GLRB: variants seen among roughly 807,000 people sequenced by gnomAD.
GLRB encodes the protein glycine receptor beta, also known as glycine receptor subunit beta.
GLRB carries 33 observed loss-of-function variants against 54.2 expected under a neutral mutation model. The ratio of observed to expected loss-of-function variants is 0.61; its 90% CI spans 0.46 to 0.81. GLRB has a LOEUF of 0.81. GLRB is among the 40% of genes least tolerant of loss of function. The pLI, the probability that GLRB is intolerant of heterozygous loss-of-function variation, is 0.00. For missense variants in GLRB, 572 were observed against 584.6 expected (o/e 0.98, Z 0.22); for synonymous variants, 209 against 208.2 (o/e 1.00, Z -0.03).
chr4:157,130,123 G>T (rs1736159509), intron 4 of GLRB, among the ~76,000 whole-genome samples: 1 of 151,598 alleles, frequency 6.6e-6, no homozygotes, highest in East Asian at 1.9e-4. Flanking sequence ...TGTTGTGAGT[G>T]TATGATTATT....
chr4:157,159,951 T>C (rs1443393782), intron 9 of GLRB, among the ~76,000 whole-genome samples: 1 of 152,186 alleles, frequency 6.6e-6, no homozygotes, highest in East Asian at 1.9e-4. Flanking sequence ...TGGCTGTGAA[T>C]CCATCTGGTC....
rs567259223 is a variant in GLRB at position 157,166,550 on chromosome 4, C to T, written c.1198-3882C>T. On this transcript the variant is annotated intron_variant, in intron 9 of 9. Transcript: ENST00000264428. Reference sequence around the variant, plus strand: ...TATTTAAGAAGCCCTGAGTACTTCTCATTAGGGAAACTAATCTTATTCTTT... The same window carrying T: ...TATTTAAGAAGCCCTGAGTACTTCTTATTAGGGAAACTAATCTTATTCTTT... 1.2e-4 allele frequency among the ~76,000 whole-genome samples: 19 copies of T among 152,128 alleles called. No homozygotes were observed. In the East Asian group the frequency reaches 3.7e-3, roughly 29 times the overall value.
At chr4:157,163,003 C>T (rs1737569121) in intron 9 of GLRB, among the ~76,000 whole-genome samples, 4 of 152,294 alleles carry the variant, frequency 2.6e-5, no homozygotes, top group Admixed American at 2.0e-4. Flanking sequence ...GCTTCTCAGC[C>T]ACTTTGTTTA....
At chr4:157,136,381 C>G (rs1174507881) in intron 4 of GLRB, 88 bp from the exon 5 acceptor site, 7 of 761,094 alleles carry the variant, frequency 9.2e-6, no homozygotes, top group Non-Finnish European at 1.6e-5. Context: ...TGCCACTAAT[C>G]ATTGTAACCC....
In GLRB at chr4:157,143,675, C is replaced by CT. The variant is rs965337199; in HGVS notation, c.752-124dup. On this transcript the variant is annotated intron_variant, in intron 7 of 9. Coordinates refer to ENST00000264428, the MANE Select transcript of GLRB (RefSeq NM_000824.5). ...TAAATTATATATCTGCAAAGAAAAA[C>CT]TTTTTTTTGAGGCATTTCCTCTGTG... The CT allele has an allele frequency of 9.2e-5, 81 of 884,636 alleles. 2 individuals are homozygous for CT. Among genetic ancestry groups the CT allele is most frequent in the East Asian group, 4.3e-4 (16 of 37,570 alleles). The allele number at this position is 884,636 out of a possible 1,614,324, so 54.8% of individuals were successfully genotyped here.
intron 9 of GLRB, among the ~76,000 whole-genome samples, chr4:157,156,708 A>G (rs1385993309): frequency 6.6e-6 from 1 of 152,036 alleles, no homozygotes; most frequent in Non-Finnish European, 1.5e-5. Context: ...TCATGTTCAT[A>G]ATTGGTCACT....
intron 9 of GLRB, among the ~76,000 whole-genome samples, chr4:157,159,420 G>A (rs538032238): frequency 6.6e-6 from 1 of 152,204 alleles, no homozygotes; most frequent in South Asian, 2.1e-4. Context: ...AGTTTTCAAA[G>A]GGAATGCTTC....
At chr4:157,139,306 T>A (rs1213055627) in intron 7 of GLRB, among the ~76,000 whole-genome samples, 4 of 152,126 alleles carry the variant, frequency 2.6e-5, no homozygotes, top group Admixed American at 6.6e-5. Context: ...ATAAACAATA[T>A]AATCCATATA....
chr4:157,166,052 G>A (rs1737696280), intron 9 of GLRB, among the ~76,000 whole-genome samples: 1 of 151,954 alleles, frequency 6.6e-6, no homozygotes, highest in Non-Finnish European at 1.5e-5. Flanking sequence ...TTTTAAATTT[G>A]TGTGGAATGA....
Position 157,143,972 on chromosome 4 carries a change from A to C in GLRB, c.904+13A>C, listed in dbSNP as rs752476441. On this transcript the variant is annotated intron_variant, in intron 8 of 9. Coordinates refer to ENST00000264428, the MANE Select transcript of GLRB (RefSeq NM_000824.5). The stretch of plus-strand genomic sequence containing the variant: ...AGAGTGCCCCTGGGTAAGGTGTTCC[A>C]TGCTTTTTTGTCACATCAGGAACAG... The C allele has an allele frequency of 6.2e-7, 1 of 1,612,656 alleles. No homozygotes were observed. The highest frequency in any genetic ancestry group is 2.2e-5 in the East Asian group (1 of 44,858).
At chr4:157,099,181 C>A (rs1367238854) in intron 2 of GLRB, among the ~76,000 whole-genome samples, 1 of 151,968 alleles carries the variant, frequency 6.6e-6, no homozygotes, top group Non-Finnish European at 1.5e-5. Flanking sequence ...TCATATGGGG[C>A]AGGGTAGTTA....
At chr4:157,089,582 T>C (rs1413922816) in intron 2 of GLRB, among the ~76,000 whole-genome samples, 1 of 152,196 alleles carries the variant, frequency 6.6e-6, no homozygotes, top group Admixed American at 6.5e-5. Context: ...TGGCTCTTTT[T>C]AGCCACCTCT....
intron 2 of GLRB, among the ~76,000 whole-genome samples, chr4:157,100,170 T>C (rs1205990908): frequency 6.6e-6 from 1 of 152,240 alleles, no homozygotes; most frequent in East Asian, 1.9e-4. Context: ...TTAATTCTTT[T>C]GTCTCAAGAA....
Position 157,172,044 on chromosome 4 carries a change from A to C in GLRB, c.*1316A>C, listed in dbSNP as rs1476180812. ...TCTGGAGAGTTTTGTTGCAGCTACG[A>C]GTTTGTATGGCAAATTCAATAATAA... On this transcript the variant is annotated 3_prime_UTR_variant, in exon 10 of 10. Coordinates refer to ENST00000264428, the MANE Select transcript of GLRB (RefSeq NM_000824.5). The C allele has an allele frequency of 6.6e-6, 1 of 151,850 alleles. No individual in the cohort carries two copies. Among genetic ancestry groups the C allele is most frequent in the African/African-American group, 2.4e-5 (1 of 41,416 alleles). The allele number at this position is 151,850 out of a possible 1,614,324, so 9.4% of individuals were successfully genotyped here. A position where few individuals can be genotyped will look rare whatever the true frequency, so the allele number is the denominator to read the frequency against.
chr4:157,145,252 G>C (rs1214935723), intron 8 of GLRB, among the ~76,000 whole-genome samples: 4 of 152,126 alleles, frequency 2.6e-5, no homozygotes, highest in African/African-American at 9.7e-5. Context: ...TGATATCCAG[G>C]CTGAAAGTTC....
rs564017120 is a variant in GLRB, at chr4:157,156,632, G to A, written c.1197+3622G>A. Among the ~76,000 whole-genome samples, 238 of 151,992 alleles carry A rather than the reference G, an allele frequency of 1.6e-3. 1 individual carries two copies. The highest frequency in any genetic ancestry group is 5.5e-3 in the African/African-American group (227 of 41,426). ...TTTCCTCTGCCCTTTACATTTTCCT[G>A]TTGATCTAATCTATGAGTTTTACAG... On this transcript the variant is annotated intron_variant, in intron 9 of 9. Coordinates refer to ENST00000264428, the MANE Select transcript of GLRB (RefSeq NM_000824.5).
At chr4:157,116,383 T>C (rs900085512) in intron 2 of GLRB, among the ~76,000 whole-genome samples, 2 of 151,822 alleles carry the variant, frequency 1.3e-5, no homozygotes, top group African/African-American at 2.4e-5. Flanking sequence ...GAATTGTTGA[T>C]AGATTTCTTA....
intron 7 of GLRB, among the ~76,000 whole-genome samples, chr4:157,143,482 C>T (rs1736690893): frequency 6.6e-6 from 1 of 151,802 alleles, no homozygotes; most frequent in Non-Finnish European, 1.5e-5. Context: ...CTGAGAGGAC[C>T]CACGGGTAAA....
intron 2 of GLRB, among the ~76,000 whole-genome samples, chr4:157,095,713 C>CA (rs768291942): frequency 6.6e-6 from 1 of 152,022 alleles, no homozygotes; most frequent in African/African-American, 2.4e-5. Flanking sequence ...CTGTCTCTTG[C>CA]ATATTGAGGG....
Sources: gnomAD v4.1 joint callset for allele counts (sites outside exome capture counted in the v4.1 genomes callset) on GRCh38, gnomAD v4.1.1 for gene constraint, MANE v1.5 for transcripts, NCBI Gene and HGNC (gene_info 2026-07-23, HGNC 2026-07-21) for gene names.